The following RAPGEF1 variants were observed in gnomAD, a reference collection of about 807,000 sequenced individuals.
RAPGEF1 encodes Rap guanine nucleotide exchange factor 1.
A neutral mutation model predicts 143.3 loss-of-function variants in RAPGEF1; 33 were observed. That is an observed-to-expected ratio of 0.23 (90% CI 0.17 to 0.31). The LOEUF is 0.31. RAPGEF1 is among the 10% of genes least tolerant of loss of function. RAPGEF1 has a pLI of 1.00. For missense variants in RAPGEF1, 1,199 were observed against 1,645.4 expected, an observed-to-expected ratio of 0.73 and a Z score of 4.69; for synonymous variants, 629 against 676.5, an observed-to-expected ratio of 0.93 and a Z score of 1.09.
intron 1 of RAPGEF1, among the ~76,000 whole-genome samples, chr9:131,720,542 G>A (rs1482157116): frequency 1.3e-5 from 2 of 152,176 alleles, no homozygotes; most frequent in African/African-American, 4.8e-5. Flanking sequence ...TGACGTTTGA[G>A]AGCCACCGAA....
At chr9:131,615,400 A>T (rs1163745104) in intron 12 of RAPGEF1, among the ~76,000 whole-genome samples, 1 of 152,024 alleles carries the variant, frequency 6.6e-6, no homozygotes, top group Non-Finnish European at 1.5e-5. Context: ...TCCAATGCCA[A>T]CCCTGCAGCA....
rs1834871559 is a variant in RAPGEF1, at chr9:131,704,128, G to A, written c.61+35642C>T. Among the ~76,000 whole-genome samples, 3 of 151,830 alleles carry A rather than the reference G, an allele frequency of 2.0e-5. No homozygotes were observed. The South Asian group carries it at 6.2e-4, about 32-fold the overall frequency. On this transcript the variant is annotated intron_variant, in intron 1 of 26. Transcript: ENST00000683357. ...CATTTAGAGATCAAGACACAGGCCT[G>A]GAAATGTGAAGTAATTTGTCTTGTC...
chr9:131,665,549 T>C (rs1027664274), intron 1 of RAPGEF1, among the ~76,000 whole-genome samples: 11 of 152,030 alleles, frequency 7.2e-5, no homozygotes, highest in Non-Finnish European at 1.6e-4. Context: ...AAGAGCTAAG[T>C]CTCGCTATGT....
chr9:131,658,065 G>A (rs1200189730), intron 1 of RAPGEF1, among the ~76,000 whole-genome samples: 2 of 152,160 alleles, frequency 1.3e-5, no homozygotes, highest in Admixed American at 6.5e-5. Context: ...ACACTGGGTC[G>A]CTTCCAGCAT....
At position 131,626,320 on chromosome 9, in the gene RAPGEF1, A is replaced by G. The variant is rs1229942301; in HGVS notation, c.1304T>C (p.Leu435Ser). 3 of 1,613,984 alleles carry G rather than the reference A, an allele frequency of 1.9e-6. No homozygotes were observed. Among genetic ancestry groups the G allele is most frequent in the Non-Finnish European group, 2.5e-6 (3 of 1,179,874 alleles). ...AWNLSPLPES[L>S]GESGSPFLGP... ...AAGAAATGGAGACCCAGACTCCCCC[A>G]AAGACTCTGGCAACGGGCTAAGGTT... Residue 435 changes from leucine to serine, a missense_variant, in exon 10 of 27, where the codon TTG becomes TCG. By Grantham distance (145) the Leu-to-Ser change is moderately radical (BLOSUM62 -2). Coordinates refer to ENST00000683357, the MANE Select transcript of RAPGEF1 (RefSeq NM_001377935.1).
At chr9:131,709,882 G>A in intron 1 of RAPGEF1, 1 of 985,368 alleles carries the variant, frequency 1.0e-6, no homozygotes, top group East Asian at 1.1e-4. Context: ...AAATCCCTTT[G>A]GCCCCAGGGA....
chr9:131,726,946 G>A (rs953366248), intron 1 of RAPGEF1, among the ~76,000 whole-genome samples: 1 of 152,152 alleles, frequency 6.6e-6, no homozygotes, highest in Non-Finnish European at 1.5e-5. Context: ...CGAGGCTGCT[G>A]TGAGCCACGA....
chr9:131,591,383 G>A (rs1377708470), intron 18 of RAPGEF1, among the ~76,000 whole-genome samples: 1 of 152,214 alleles, frequency 6.6e-6, no homozygotes, highest in African/African-American at 2.4e-5. Flanking sequence ...CAAAGAGGTG[G>A]CTGAGGAGCA....
At chr9:131,601,952 T>C (rs925114084) in intron 15 of RAPGEF1, 109 bp downstream of exon 15, 77 of 746,742 alleles carry the variant, frequency 1.0e-4, no homozygotes, top group Admixed American at 4.2e-4. Context: ...GAGTTTCAAC[T>C]TGAAATACCC....
At chr9:131,601,059 C>T (rs1385298632) in intron 15 of RAPGEF1, among the ~76,000 whole-genome samples, 2 of 150,848 alleles carry the variant, frequency 1.3e-5, no homozygotes, top group Non-Finnish European at 2.9e-5. Context: ...GTAGTCCCAG[C>T]TACTTGGGAA....
chr9:131,733,282 G>A (rs1038710917), intron 1 of RAPGEF1, among the ~76,000 whole-genome samples: 11 of 148,262 alleles, frequency 7.4e-5, no homozygotes, highest in African/African-American at 2.5e-4. Flanking sequence ...AAACCGCCAC[G>A]GCACATGTAT....
chr9:131,615,569 A>C (rs1384825790), intron 12 of RAPGEF1, among the ~76,000 whole-genome samples: 1 of 152,184 alleles, frequency 6.6e-6, no homozygotes, highest in Non-Finnish European at 1.5e-5. Flanking sequence ...GGCCCGGCAG[A>C]GCCTGCGGAT....
At chr9:131,601,202 A>C (rs983538365) in intron 15 of RAPGEF1, among the ~76,000 whole-genome samples, 22 of 151,644 alleles carry the variant, frequency 1.5e-4, no homozygotes, top group Admixed American at 4.6e-4. Context: ...AAAAGTTATA[A>C]GACATTAAAG....
intron 1 of RAPGEF1, among the ~76,000 whole-genome samples, chr9:131,673,988 G>A (rs771944584): frequency 6.6e-5 from 10 of 152,188 alleles, no homozygotes; most frequent in Admixed American, 1.3e-4. Context: ...ATGACAATCC[G>A]TGGACTGAAT....
chr9:131,619,952 C>A (rs1960288485), intron 11 of RAPGEF1, among the ~76,000 whole-genome samples: 1 of 152,108 alleles, frequency 6.6e-6, no homozygotes, highest in African/African-American at 2.4e-5. Context: ...TAGCTGTGGG[C>A]TTGGATTAAG....
chr9:131,711,048 TTAAC>T lies in RAPGEF1; in HGVS notation c.61+28718_61+28721del, dbSNP rs1380480867. Among the ~76,000 whole-genome samples the T allele has an allele frequency of 2.0e-5, 3 of 151,998 alleles. No individual in the cohort carries two copies. The East Asian group carries it at 5.8e-4, about 29-fold the overall frequency. ...CACTCAGGAGGTCCCTGGTGAATAT[TTAAC>T]TTTTTTTTTTTTTTTGGAGTCAGGG... On this transcript the variant is annotated intron_variant, in intron 1 of 26. Coordinates refer to ENST00000683357, the MANE Select transcript of RAPGEF1 (RefSeq NM_001377935.1).
intron 18 of RAPGEF1, 35 bp from the exon 19 acceptor site, chr9:131,590,013 G>T (rs181768074): frequency 6.3e-7 from 1 of 1,580,394 alleles, no homozygotes; most frequent in South Asian, 1.1e-5. Flanking sequence ...CCATGTGGTC[G>T]GCTGAGGGTG....
intron 1 of RAPGEF1, among the ~76,000 whole-genome samples, chr9:131,665,086 A>C (rs776251968): frequency 6.6e-6 from 1 of 152,208 alleles, no homozygotes; most frequent in African/African-American, 2.4e-5. Flanking sequence ...AAGCTAGAAG[A>C]CCAGTGGAGG....
At chr9:131,657,864 T>C (rs1972912784) in intron 1 of RAPGEF1, among the ~76,000 whole-genome samples, 1 of 152,254 alleles carries the variant, frequency 6.6e-6, no homozygotes, top group Non-Finnish European at 1.5e-5. Context: ...ACATATACAG[T>C]TTAACTTATA....
Sources: gnomAD v4.1 joint callset for allele counts (sites outside exome capture counted in the v4.1 genomes callset) on GRCh38, gnomAD v4.1.1 for gene constraint, MANE v1.5 for transcripts, NCBI Gene and HGNC (gene_info 2026-07-23, HGNC 2026-07-21) for gene names.